The following KLK15 variants were observed in gnomAD, a reference collection of about 807,000 sequenced individuals.
KLK15 encodes kallikrein related peptidase 15.
A neutral mutation model predicts 21.1 loss-of-function variants in KLK15; 19 were observed. The observed-to-expected ratio is 0.90, with a 90% CI of 0.63 to 1.32. The LOEUF (loss-of-function observed/expected upper bound fraction) is 1.32. Ranked by LOEUF, KLK15 falls within the 40% of genes most tolerant of loss-of-function variation. The pLI is 0.00. For synonymous variants in KLK15, 141 were observed against 141.5 expected, an observed-to-expected ratio of 1.00 and a Z score of 0.03; for missense variants, 345 against 348.6, an observed-to-expected ratio of 0.99 and a Z score of 0.08.
intron 1 of KLK15, among the ~76,000 whole-genome samples, chr19:50,828,458 C>G (rs928392594): frequency 6.6e-6 from 1 of 151,650 alleles, no homozygotes; most frequent in Non-Finnish European, 1.5e-5. Context: ...TTGTCACAGA[C>G]GTCAAACGCA....
exon 3 of KLK15, chr19:50,827,002 G>A (rs755918868): frequency 1.9e-6 from 3 of 1,605,954 alleles, no homozygotes; most frequent in Admixed American, 1.7e-5. Flanking sequence ...GCACCTGGGG[G>A]TTCAGGCGTG....
chr19:50,825,971 C>T, intron 4 of KLK15, 23 bp from the exon 6 acceptor site: 1 of 1,603,182 alleles, frequency 6.2e-7, no homozygotes, highest in Non-Finnish European at 8.5e-7. Flanking sequence ...GAGGGGGTCT[C>T]AGGTTGAGTG....
At chr19:50,828,375 G>A (rs2089922454) in intron 1 of KLK15, among the ~76,000 whole-genome samples, 1 of 151,648 alleles carries the variant, frequency 6.6e-6, no homozygotes, top group Non-Finnish European at 1.5e-5. Flanking sequence ...CTGTGGTTGG[G>A]GGTGGAGACA....
chr19:50,827,065 G>A (rs981385274), exon 3 of KLK15: 1 of 1,606,274 alleles, frequency 6.2e-7, no homozygotes, highest in Non-Finnish European at 8.5e-7. Context: ...TGCGCGCTTC[G>A]TAGCGCGGGT....
intron 1 of KLK15, among the ~76,000 whole-genome samples, chr19:50,830,727 C>A (rs2123421381): frequency 6.6e-6 from 1 of 152,326 alleles, no homozygotes; most frequent in East Asian, 1.9e-4. Flanking sequence ...TGGTGTGTGG[C>A]AGCTGAGTTC....
chr19:50,825,478 G>T, downstream of KLK15: 1 of 195,700 alleles, frequency 5.1e-6, no homozygotes. Context: ...CCTGCTTCAA[G>T]CCGCTTCTCC....
intron 1 of KLK15, among the ~76,000 whole-genome samples, chr19:50,828,207 A>G (rs1034389370): frequency 6.6e-6 from 1 of 151,076 alleles, no homozygotes; most frequent in African/African-American, 2.4e-5. Flanking sequence ...CAGCCTCCCA[A>G]AGTGCTGGGA....
chr19:50,827,693 A>T (rs752100254), exon 2 of KLK15: 2 of 1,611,222 alleles, frequency 1.2e-6, no homozygotes, highest in South Asian at 2.2e-5. Context: ...GACAGCACCC[A>T]GTGTGGGGAG....
intron 1 of KLK15, chr19:50,831,153 C>T: frequency 3.3e-6 from 1 of 304,186 alleles, no homozygotes; most frequent in Non-Finnish European, 6.0e-6. Context: ...AAGCAGTTCC[C>T]TCAAGGACAC....
At chr19:50,831,498 A>T (rs2089985217) in exon 1 of KLK15, 11 of 1,458,764 alleles carry the variant, frequency 7.5e-6, no homozygotes, top group Non-Finnish European at 9.9e-6. Context: ...CACATTGTGG[A>T]GGAGGGACCA....
At chr19:50,832,136 A>T (rs1271900280), upstream of KLK15, among the ~76,000 whole-genome samples, 1 of 150,254 alleles carries the variant, frequency 6.7e-6, no homozygotes, top group East Asian at 2.0e-4. Flanking sequence ...CAACCCTCTT[A>T]TCTGGCCTTT....
chr19:50,827,150 A>C (rs779144247), exon 3 of KLK15: 2 of 1,586,504 alleles, frequency 1.3e-6, no homozygotes, highest in South Asian at 1.1e-5. Flanking sequence ...TCCCAGGCGC[A>C]CTCTCATGAA....
exon 3 of KLK15, chr19:50,827,073 G>C (rs1324709957): frequency 1.2e-6 from 2 of 1,606,428 alleles, no homozygotes; most frequent in East Asian, 4.5e-5. Context: ...TCGTAGCGCG[G>C]GTGTGGAATG....
exon 4 of KLK15, chr19:50,826,743 T>C: frequency 6.2e-7 from 1 of 1,612,516 alleles, no homozygotes; most frequent in East Asian, 2.2e-5. Flanking sequence ...CAATGCAACG[T>C]ATCTGGGAGA....
upstream of KLK15, among the ~76,000 whole-genome samples, chr19:50,833,466 A>C (rs2090022741): frequency 6.6e-6 from 1 of 152,144 alleles, no homozygotes; most frequent in African/African-American, 2.4e-5. Context: ...TTTCCCCTTG[A>C]AACCAGGGCA....
At chr19:50,825,504 G>C (rs1218405080), downstream of KLK15, 2 of 223,308 alleles carry the variant, frequency 9.0e-6, no homozygotes, top group Non-Finnish European at 1.8e-5. Context: ...TAGGGATCGG[G>C]GTGGTGGGTG....
upstream of KLK15, among the ~76,000 whole-genome samples, chr19:50,832,042 C>T (rs932466314): frequency 5.9e-5 from 9 of 151,944 alleles, no homozygotes; most frequent in African/African-American, 1.9e-4. Flanking sequence ...AGGATGGCCT[C>T]AATCTCTTGA....
chr19:50,829,133 G>T (rs2089939102), intron 1 of KLK15, among the ~76,000 whole-genome samples: 2 of 151,502 alleles, frequency 1.3e-5, no homozygotes, highest in African/African-American at 4.8e-5. Context: ...TCTCTAGTGT[G>T]AGTCTTGGCA....
At chr19:50,832,392 C>T (rs139954379), upstream of KLK15, among the ~76,000 whole-genome samples, 1,035 of 146,406 alleles carry the variant, frequency 7.1e-3, 4 homozygotes, top group Non-Finnish European at 0.011. Context: ...GCGTGATCTC[C>T]GCTCACTGTA....
Sources: allele counts gnomAD v4.1 joint callset (sites outside exome capture counted in the v4.1 genomes callset), GRCh38; gene constraint gnomAD v4.1.1; transcripts MANE v1.5; gene names NCBI Gene and HGNC (gene_info 2026-07-23, HGNC 2026-07-21).